Variants in KCNC1 observed in about 807,000 individuals in gnomAD.
The protein encoded by KCNC1 is voltage-gated potassium channel KCNC1.
KCNC1 carries 8 observed loss-of-function variants against 43.4 expected under a neutral mutation model. The ratio of observed to expected loss-of-function variants is 0.18; its 90% CI spans 0.11 to 0.33. KCNC1 has a LOEUF of 0.33. Ranked by LOEUF, KCNC1 falls within the 10% of genes least tolerant of loss-of-function variation. KCNC1 has a pLI of 1.00. For missense variants in KCNC1, 420 were observed against 836.0 expected, an observed-to-expected ratio of 0.50 and a Z score of 6.14; for synonymous variants, 361 against 360.5, an observed-to-expected ratio of 1.00 and a Z score of -0.01.
At chr11:17,750,176 G>A in intron 1 of KCNC1, among the ~76,000 whole-genome samples, 1 of 152,182 alleles carries the variant, frequency 6.6e-6, no homozygotes. Flanking sequence ...GGTCTCAGAG[G>A]GGCAAAGCCC....
chr11:17,770,978 T>G (rs1451125571), intron 1 of KCNC1, among the ~76,000 whole-genome samples: 1 of 152,186 alleles, frequency 6.6e-6, no homozygotes, highest in Non-Finnish European at 1.5e-5. Context: ...GACAGGGAAC[T>G]CATTACCATG....
chr11:17,782,069 A>G lies in KCNC1; in HGVS notation c.*335A>G, dbSNP rs1028765295. ...CTGCAACTGTATGATTACCCTGAACAACAATAATGAAAAGAAAAACATCAA... is the reference window on the plus strand; with the variant it reads ...CTGCAACTGTATGATTACCCTGAACGACAATAATGAAAAGAAAAACATCAA... On this transcript the variant is annotated 3_prime_UTR_variant, in exon 4 of 4. Coordinates refer to ENST00000265969, the MANE Select transcript of KCNC1 (RefSeq NM_001112741.2). 4 of 274,082 alleles carry G rather than the reference A, an allele frequency of 1.5e-5. No individual in the cohort carries two copies. The highest frequency in any genetic ancestry group is 6.5e-5 in the African/African-American group (3 of 45,856). 17.0% of individuals were successfully genotyped at this position (274,082 alleles called of 1,614,324 possible).
chr11:17,754,701 C>T (rs909964241), intron 1 of KCNC1, among the ~76,000 whole-genome samples: 1 of 152,146 alleles, frequency 6.6e-6, no homozygotes, highest in Non-Finnish European at 1.5e-5. Flanking sequence ...TGAGGCAGGG[C>T]CACCCTGACC....
chr11:17,747,224 G>T (rs1017516410), intron 1 of KCNC1, among the ~76,000 whole-genome samples: 1 of 152,150 alleles, frequency 6.6e-6, no homozygotes, highest in East Asian at 1.9e-4. Context: ...GTTCTCCTGA[G>T]CTCCCTGTGT....
intron 1 of KCNC1, among the ~76,000 whole-genome samples, chr11:17,738,505 G>A (rs1045191063): frequency 2.6e-5 from 4 of 152,174 alleles, no homozygotes; most frequent in Admixed American, 1.3e-4. Flanking sequence ...TCCCAAGCAA[G>A]AGGCTGAGTC....
rs200873319 is a variant in KCNC1 at position 17,771,777 on chromosome 11, G to T, written c.683G>T (p.Arg228Leu). Residue 228 changes from arginine (R) to leucine (L), a missense_variant, in exon 2 of 4, where the codon CGC (arginine) becomes CTC (leucine). Physicochemically the swap from Arg to Leu is moderately radical, Grantham distance 102. This residue lies in a region of KCNC1 where 151 missense variants were observed against 216.7 expected (regional missense o/e 0.70). Transcript: ENST00000265969. This position sits in a 1 kb window ranked among gnomAD's most constrained non-coding sequence, Gnocchi z 4.7. ...IVNKTEIENV[R>L]NGTQVRYYRE... ...AACAAGACGGAGATCGAGAACGTTC[G>T]CAATGGCACGCAAGTGCGCTACTAC... 480 of 1,614,234 alleles carry T rather than the reference G, an allele frequency of 3.0e-4. 1 individual carries two copies. Among genetic ancestry groups the T allele is most frequent in the Middle Eastern group, 8.2e-4 (5 of 6,062 alleles).
intron 1 of KCNC1, among the ~76,000 whole-genome samples, chr11:17,770,694 G>A (rs1246597857): frequency 6.6e-6 from 1 of 152,200 alleles, no homozygotes; most frequent in Admixed American, 6.5e-5. Flanking sequence ...AGAGCAGGTG[G>A]TTCTGGACAG....
chr11:17,761,444 T>C (rs1169711000), intron 1 of KCNC1, among the ~76,000 whole-genome samples: 1 of 152,272 alleles, frequency 6.6e-6, no homozygotes, highest in Non-Finnish European at 1.5e-5. Context: ...CCAGCAGTCT[T>C]GGGGTTTTGC....
chr11:17,768,621 G>GT (rs1024671197), intron 1 of KCNC1, among the ~76,000 whole-genome samples: 1 of 151,766 alleles, frequency 6.6e-6, no homozygotes, highest in East Asian at 1.9e-4. Context: ...GTGGGGGGGG[G>GT]GGCGGTTTGG....
Position 17,735,894 on chromosome 11 carries a change from T to TG in KCNC1, c.-103dup. On this transcript the variant is annotated 5_prime_UTR_variant, in exon 1 of 4. Transcript: ENST00000265969. This position sits in a 1 kb window ranked among gnomAD's most constrained non-coding sequence, Gnocchi z 6.7. ...GCAGGCCTCTGTTCCCCCCGACGGC[T>TG]GGGGGGAGGGGGGAAGAGGGCGCGC... 4 of 1,256,012 alleles carry TG rather than the reference T, an allele frequency of 3.2e-6. No homozygotes were observed. Among genetic ancestry groups the TG allele is most frequent in the Admixed American group, 3.7e-5 (1 of 26,850 alleles). 77.8% of individuals were successfully genotyped at this position (1,256,012 alleles called of 1,614,324 possible).
chr11:17,764,294 C>T (rs542593819), intron 1 of KCNC1, among the ~76,000 whole-genome samples: 2 of 151,792 alleles, frequency 1.3e-5, no homozygotes, highest in African/African-American at 4.8e-5. Flanking sequence ...CACACTCACA[C>T]ACACCACTTC....
At chr11:17,778,145 G>A (rs1849305608) in intron 2 of KCNC1, among the ~76,000 whole-genome samples, 1 of 152,204 alleles carries the variant, frequency 6.6e-6, no homozygotes, top group African/African-American at 2.4e-5. Context: ...ATTCTGCTTT[G>A]AGGGCAGAGA....
At chr11:17,775,110 T>C (rs1849270317) in intron 2 of KCNC1, 6 of 985,512 alleles carry the variant, frequency 6.1e-6, no homozygotes, top group Non-Finnish European at 7.2e-6. Flanking sequence ...GGAAGGTAAA[T>C]GTGGTGGCCC....
chr11:17,737,206 G>A (rs1173519595), intron 1 of KCNC1, among the ~76,000 whole-genome samples: 2 of 150,928 alleles, frequency 1.3e-5, no homozygotes, highest in South Asian at 2.1e-4. Context: ...TTGGTGGAGG[G>A]CTGGGCTGTA....
intron 1 of KCNC1, among the ~76,000 whole-genome samples, chr11:17,763,576 ACACACACACACAGACC>A (rs1849103416): frequency 8.6e-6 from 1 of 116,306 alleles, no homozygotes; most frequent in Non-Finnish European, 1.8e-5. Context: ...TGCAATACAC[ACACACACACACAGACC>A]CCCACACACC....
intron 1 of KCNC1, among the ~76,000 whole-genome samples, chr11:17,764,875 T>C (rs1849131440): frequency 6.7e-6 from 1 of 149,278 alleles, no homozygotes; most frequent in South Asian, 2.2e-4. Context: ...TAAACCCAAC[T>C]CAACTGACAA....
At chr11:17,763,639 C>CA (rs1361263346) in intron 1 of KCNC1, among the ~76,000 whole-genome samples, 9 of 78,982 alleles carry the variant, frequency 1.1e-4, no homozygotes, top group African/African-American at 3.9e-4. Flanking sequence ...CACACACACA[C>CA]CCCCACACCA....
At position 17,777,640 on chromosome 11, in the gene KCNC1, C is replaced by T. The variant is rs1849301097; in HGVS notation, c.1505-1816C>T. On this transcript the variant is annotated intron_variant, in intron 2 of 3. Coordinates refer to ENST00000265969, the MANE Select transcript of KCNC1 (RefSeq NM_001112741.2). The surrounding 1 kb of genome is among the most constrained non-coding windows in gnomAD (Gnocchi z 4.3). ...CCCCAGTCACATGGTGTCAGAGTTA[C>T]CTTGGCAACTGGCCTTTTTGGTTCA... 7.1e-6 allele frequency: 7 copies of T among 985,854 alleles called. No individual in the cohort carries two copies. The South Asian group carries it at 2.8e-4, about 40-fold the overall frequency. The allele number at this position is 985,854 out of a possible 1,614,324, so 61.1% of individuals were successfully genotyped here.
intron 3 of KCNC1, chr11:17,780,055 CCT>C (rs1279334974): frequency 2.5e-5 from 4 of 160,768 alleles, no homozygotes; most frequent in African/African-American, 9.6e-5. Context: ...GGGCCAGGAC[CCT>C]GTGAACTTAG....
Sources: allele counts gnomAD v4.1 joint callset (sites outside exome capture counted in the v4.1 genomes callset), GRCh38; gene constraint gnomAD v4.1.1; regional missense constraint gnomAD v4.1.1; non-coding constraint Gnocchi (gnomAD v3.1); transcripts MANE v1.5; gene names NCBI Gene and HGNC (gene_info 2026-07-23, HGNC 2026-07-21).